ADAMTS20: variants seen among roughly 807,000 people sequenced by gnomAD.
The protein encoded by ADAMTS20 is A disintegrin and metalloproteinase with thrombospondin motifs 20.
Under a neutral mutation model 260.1 loss-of-function variants are expected in ADAMTS20, and 225 were observed. The observed-to-expected ratio is 0.87, with a 90% confidence interval of 0.78 to 0.97. The LOEUF is 0.97. ADAMTS20 is among the 50% of genes least tolerant of loss of function. The probability of loss-of-function intolerance (pLI) is 0.00; values close to 1 mark genes in which losing one functional copy is unlikely to be tolerated. For missense variants in ADAMTS20, 2,400 were observed against 2,337.7 expected (o/e 1.03, Z -0.55); for synonymous variants, 802 against 769.5 (o/e 1.04, Z -0.70).
At chr12:43,360,268 G>A (rs981328683) in intron 37 of ADAMTS20, among the ~76,000 whole-genome samples, 1 of 152,032 alleles carries the variant, frequency 6.6e-6, no homozygotes, top group African/African-American at 2.4e-5. Context: ...GGCCAACAGG[G>A]TGAAACCCTG....
intron 31 of ADAMTS20, among the ~76,000 whole-genome samples, chr12:43,380,945 G>A (rs1021511473): frequency 1.3e-5 from 2 of 151,936 alleles, no homozygotes; most frequent in African/African-American, 4.8e-5. Flanking sequence ...TAAAGAGGAA[G>A]GAAAAAAGTT....
chr12:43,421,385 T>A (rs1000569624), intron 28 of ADAMTS20, among the ~76,000 whole-genome samples: 25 of 152,036 alleles, frequency 1.6e-4, no homozygotes, highest in African/African-American at 6.0e-4. Flanking sequence ...TGGATAGTCA[T>A]CATTCCCAAA....
At chr12:43,523,259 G>A (rs978349307) in intron 3 of ADAMTS20, among the ~76,000 whole-genome samples, 2 of 152,216 alleles carry the variant, frequency 1.3e-5, no homozygotes, top group Non-Finnish European at 2.9e-5. Context: ...ATAAAAGTAG[G>A]AGAGGGAGTG....
intron 37 of ADAMTS20, among the ~76,000 whole-genome samples, chr12:43,367,076 G>A (rs1039945108): frequency 4.0e-5 from 6 of 151,760 alleles, no homozygotes; most frequent in African/African-American, 1.2e-4. Flanking sequence ...CAACTTTCAC[G>A]AAGAAAAGCC....
chr12:43,457,756 T>A (rs1165159999), intron 11 of ADAMTS20, among the ~76,000 whole-genome samples: 1 of 152,222 alleles, frequency 6.6e-6, no homozygotes, highest in Non-Finnish European at 1.5e-5. Context: ...GTTTGAGCAC[T>A]AGCATCCCTT....
At chr12:43,401,463 T>C (rs904390885) in intron 28 of ADAMTS20, among the ~76,000 whole-genome samples, 1 of 151,916 alleles carries the variant, frequency 6.6e-6, no homozygotes, top group Non-Finnish European at 1.5e-5. Flanking sequence ...AATTCAGCAA[T>C]ACATTTCCTC....
intron 29 of ADAMTS20, among the ~76,000 whole-genome samples, chr12:43,391,151 G>T (rs1940588086): frequency 6.6e-6 from 1 of 152,182 alleles, no homozygotes; most frequent in African/African-American, 2.4e-5. Context: ...CCTTCTCACT[G>T]TGTCGTCACA....
At position 43,428,610 on chromosome 12, in the gene ADAMTS20, C is replaced by A. The variant is rs1941380757; in HGVS notation, c.3654+25G>T. The stretch of plus-strand genomic sequence containing the variant: ...CAAATATATTTAAATTTTTCATTTT[C>A]TTTTTTTCTCATAAGAATACTTACG... On this transcript the variant is annotated intron_variant, in intron 25 of 38. Coordinates refer to ENST00000389420, the MANE Select transcript of ADAMTS20 (RefSeq NM_025003.5). The A allele has an allele frequency of 5.4e-6, 8 of 1,492,326 alleles. No homozygotes were observed. In the South Asian group the frequency reaches 5.8e-5, roughly 11 times the overall value. 92.4% of individuals were successfully genotyped at this position (1,492,326 alleles called of 1,614,324 possible). A position where few individuals can be genotyped will look rare whatever the true frequency, so the allele number is the denominator to read the frequency against.
intron 14 of ADAMTS20, among the ~76,000 whole-genome samples, chr12:43,449,952 A>G (rs1396634013): frequency 6.6e-6 from 1 of 152,164 alleles, no homozygotes. Flanking sequence ...ATTGATTCCA[A>G]TACCCACTGT....
chr12:43,409,474 C>T lies in ADAMTS20; in HGVS notation c.4285-10241G>A, dbSNP rs941528847. ...AAAATTAGCCGGGCGTAGTGGCGGGCGCCTGTAGTCCCAGCTACTTGGGAG... is the reference window on the plus strand; with the variant it reads ...AAAATTAGCCGGGCGTAGTGGCGGGTGCCTGTAGTCCCAGCTACTTGGGAG... On this transcript the variant is annotated intron_variant, in intron 28 of 38. Coordinates refer to ENST00000389420, the MANE Select transcript of ADAMTS20 (RefSeq NM_025003.5). Among the ~76,000 whole-genome samples, 932 of 148,548 alleles carry T rather than the reference C, an allele frequency of 6.3e-3. 8 individuals carry two copies. The highest frequency in any genetic ancestry group is 0.022 in the African/African-American group (902 of 40,578).
intron 27 of ADAMTS20, among the ~76,000 whole-genome samples, chr12:43,425,925 TA>T (rs1169573826): frequency 6.6e-6 from 1 of 152,168 alleles, no homozygotes; most frequent in Non-Finnish European, 1.5e-5. Context: ...TCCACGACTT[TA>T]AAAATTGACC....
intron 16 of ADAMTS20, among the ~76,000 whole-genome samples, chr12:43,442,643 C>A (rs1941689159): frequency 6.6e-6 from 1 of 152,052 alleles, no homozygotes; most frequent in African/African-American, 2.4e-5. Flanking sequence ...CTAAGAGATA[C>A]CTATTAAATT....
chr12:43,491,913 C>T (rs557729049), intron 6 of ADAMTS20, among the ~76,000 whole-genome samples: 5 of 152,246 alleles, frequency 3.3e-5, no homozygotes, highest in South Asian at 4.2e-4. Context: ...TCACTAATAT[C>T]GTAAGGAAAT....
At chr12:43,380,644 T>C (rs874714) in intron 31 of ADAMTS20, among the ~76,000 whole-genome samples, 62,397 of 151,894 alleles carry the variant, frequency 0.41, 14,385 homozygotes, top group East Asian at 0.89. Context: ...ATGAAACTAA[T>C]AGAACAATTC....
At chr12:43,385,570 T>A (rs1407099637) in intron 29 of ADAMTS20, among the ~76,000 whole-genome samples, 3 of 152,234 alleles carry the variant, frequency 2.0e-5, no homozygotes, top group Non-Finnish European at 4.4e-5. Context: ...TTTAGAGATG[T>A]TATGGTTTTA....
Position 43,353,992 on chromosome 12 carries a change from C to T in ADAMTS20, c.*217G>A, listed in dbSNP as rs931552216. ...AATTATTATGTTCTTTAAAAAATAT[C>T]CTGATTAGATATAAAATAAATTAAG... On this transcript the variant is annotated 3_prime_UTR_variant, in exon 39 of 39. Transcript: ENST00000389420. The T allele has an allele frequency of 2.3e-5, 8 of 351,670 alleles. No individual in the cohort carries two copies. In the East Asian group the frequency reaches 3.3e-4, roughly 15 times the overall value. The allele number at this position is 351,670 out of a possible 1,614,324, so 21.8% of individuals were successfully genotyped here.
At chr12:43,423,057 T>C (rs1401454590) in intron 28 of ADAMTS20, 2 of 152,106 alleles carry the variant, frequency 1.3e-5, no homozygotes, top group African/African-American at 2.4e-5. Flanking sequence ...GAATTATTTG[T>C]AATTTTAATA....
rs1485757892 is a variant in ADAMTS20, at chr12:43,439,956, T to G, written c.2404A>C (p.Asn802His). 6.2e-6 allele frequency: 10 copies of G among 1,603,166 alleles called. No individual in the cohort carries two copies. The highest frequency in any genetic ancestry group is 8.5e-6 in the Non-Finnish European group (10 of 1,173,760). ...TRTVIEYSGS[N>H]NAVERINSTN... is the part of the protein sequence containing the mutation. ...CTATTAATTCTTTCAACTGCGTTAT[T>G]TGATCCACTGTATTCAATAACAGTT... The change falls in exon 17 of 39, where the codon AAT (asparagine) becomes CAT (histidine). Residue 802 changes from asparagine to histidine, a missense_variant. Transcript: ENST00000389420.
chr12:43,386,268 T>A (rs925146181), intron 29 of ADAMTS20, among the ~76,000 whole-genome samples: 1 of 152,150 alleles, frequency 6.6e-6, no homozygotes, highest in Non-Finnish European at 1.5e-5. Flanking sequence ...GGATATGAAA[T>A]TCTGGGTTGA....
Sources: gnomAD v4.1 joint callset for allele counts (sites outside exome capture counted in the v4.1 genomes callset) on GRCh38, gnomAD v4.1.1 for gene constraint, MANE v1.5 for transcripts, NCBI Gene and HGNC (gene_info 2026-07-23, HGNC 2026-07-21) for gene names.